The following B3GALNT2 variants were observed in gnomAD, a reference collection of about 807,000 sequenced individuals.
The protein encoded by B3GALNT2 is beta-1,3-N-acetylgalactosaminyltransferase 2, also known as UDP-GalNAc:beta-1,3-N-acetylgalactosaminyltransferase 2.
In B3GALNT2, 53 loss-of-function variants were observed where a neutral mutation model predicts 61.1. The observed-to-expected ratio is 0.87, with a 90% CI of 0.70 to 1.09. The LOEUF is 1.09. Among genes scored for constraint, B3GALNT2 ranks in the 50% least tolerant of loss-of-function variants. The pLI is 0.00. For missense variants in B3GALNT2, 544 were observed against 623.0 expected, an observed-to-expected ratio of 0.87 and a Z score of 1.35; for synonymous variants, 223 against 237.4, an observed-to-expected ratio of 0.94 and a Z score of 0.56.
rs369714783 is a variant in B3GALNT2 at position 235,448,777 on chromosome 1, A to G, written c.*1429T>C. ...TGCGATGGTGACAACCAACTAATAA[A>G]ATTTAAAGACCACACTGCTTATCGT... On this transcript the variant is annotated 3_prime_UTR_variant, in exon 12 of 12. Transcript: ENST00000366600. The G allele has an allele frequency of 4.0e-5, 63 of 1,561,830 alleles. No homozygotes were observed. The highest frequency in any genetic ancestry group is 7.1e-6 in the Non-Finnish European group (8 of 1,133,046).
At chr1:235,453,457 A>C (rs2102781132) in intron 10 of B3GALNT2, among the ~76,000 whole-genome samples, 1 of 151,516 alleles carries the variant, frequency 6.6e-6, no homozygotes, top group African/African-American at 2.4e-5. Context: ...TCCAGGGACT[A>C]TACTTTTTTT....
chr1:235,481,103 C>T (rs778175437), intron 4 of B3GALNT2, among the ~76,000 whole-genome samples: 46 of 151,936 alleles, frequency 3.0e-4, no homozygotes, highest in Admixed American at 7.9e-4. Context: ...AAATTAAGCA[C>T]ATTTCAATGG....
rs747843065 is a variant in B3GALNT2, at chr1:235,494,774, C to A, written c.167G>T (p.Gly56Val). The A allele has an allele frequency of 4.0e-5, 64 of 1,611,220 alleles. No individual in the cohort carries two copies. The South Asian group carries it at 6.8e-4, about 17-fold the overall frequency. Residue 56 changes from glycine (G) to valine (V), a missense_variant, in exon 2 of 12, where the codon GGC becomes GTC. By Grantham distance (109) the Gly-to-Val change is moderately radical. Coordinates refer to ENST00000366600, the MANE Select transcript of B3GALNT2 (RefSeq NM_152490.5). ...ATGGTTATTGCGAGCTGACAACACGCCAACTACCACATCATAGTGAGTAGA... is the reference window on the plus strand; with the variant it reads ...ATGGTTATTGCGAGCTGACAACACGACAACTACCACATCATAGTGAGTAGA... ...WKSTHYDVVV[G>V]VLSARNNHEL... is the part of the protein sequence containing the mutation.
intron 5 of B3GALNT2, among the ~76,000 whole-genome samples, chr1:235,476,387 G>T (rs1684280538): frequency 6.6e-6 from 1 of 151,972 alleles, no homozygotes; most frequent in Admixed American, 6.6e-5. Flanking sequence ...CTCCCGCCTG[G>T]GTGACAGAGC....
At chr1:235,455,809 G>T (rs1683143379) in intron 8 of B3GALNT2, 125 bp from the exon 9 acceptor site, 1 of 1,223,198 alleles carries the variant, frequency 8.2e-7, no homozygotes, top group Non-Finnish European at 1.1e-6. Flanking sequence ...TTCCTCAAAT[G>T]TTGAGAACAT....
In B3GALNT2 at chr1:235,489,192, T is replaced by G; in HGVS notation, c.337A>C (p.Lys113Gln). The G allele has an allele frequency of 6.2e-7, 1 of 1,614,086 alleles. No homozygotes were observed. The highest frequency in any genetic ancestry group is 8.5e-7 in the Non-Finnish European group (1 of 1,179,964). ...VEDREDPYSC[K>Q]LLNITNPVLN... ...CCTGGATTTGTGATGTTGAGTAGTT[T>G]ACAGGAATAAGGATCCTCCCTGTCT... The change falls in exon 3 of 12, where the codon AAA becomes CAA. Residue 113 changes from lysine to glutamine, a missense_variant. Physicochemically the swap from Lys to Gln is moderately conservative, Grantham distance 53 (BLOSUM62 1). Transcript: ENST00000366600.
intron 8 of B3GALNT2, among the ~76,000 whole-genome samples, chr1:235,456,913 C>T (rs1248162566): frequency 6.6e-6 from 1 of 152,098 alleles, no homozygotes; most frequent in Non-Finnish European, 1.5e-5. Flanking sequence ...CTTTTTCTTA[C>T]TACAGCTGCC....
At chr1:235,474,502 T>C (rs546498096) in intron 5 of B3GALNT2, among the ~76,000 whole-genome samples, 17 of 152,042 alleles carry the variant, frequency 1.1e-4, no homozygotes, top group Non-Finnish European at 2.1e-4. Flanking sequence ...TGACTATATA[T>C]AAAGAATTTC....
chr1:235,463,085 C>T (rs753256877), intron 7 of B3GALNT2, among the ~76,000 whole-genome samples: 1 of 152,176 alleles, frequency 6.6e-6, no homozygotes, highest in Non-Finnish European at 1.5e-5. Context: ...ACAGCACCTG[C>T]GTGCAGTTGG....
At chr1:235,460,483 A>G (rs1198548708) in intron 7 of B3GALNT2, among the ~76,000 whole-genome samples, 2 of 151,094 alleles carry the variant, frequency 1.3e-5, no homozygotes, top group African/African-American at 2.4e-5. Flanking sequence ...TTAGAAATGA[A>G]TAAGAAAAAA....
downstream of B3GALNT2, among the ~76,000 whole-genome samples, chr1:235,444,617 C>G (rs1682120826): frequency 6.6e-6 from 1 of 152,176 alleles, no homozygotes; most frequent in African/African-American, 2.4e-5. Flanking sequence ...GTTGCTAAGG[C>G]TGGCCTCAAA....
chr1:235,489,200 T>A lies in B3GALNT2; in HGVS notation c.329A>T (p.Tyr110Phe). Reference sequence around the variant, plus strand: ...TGTGATGTTGAGTAGTTTACAGGAATAAGGATCCTCCCTGTCTTCCACAGG... The same window carrying A: ...TGTGATGTTGAGTAGTTTACAGGAAAAAGGATCCTCCCTGTCTTCCACAGG... ...EVPVEDREDPYSCKLLNITNP... is the reference protein window; with the variant it reads ...EVPVEDREDPFSCKLLNITNP... Residue 110 changes from tyrosine (Y) to phenylalanine (F), a missense_variant, in exon 3 of 12, where the codon TAT becomes TTT. Physicochemically the swap from Tyr to Phe is conservative, Grantham distance 22. Coordinates refer to ENST00000366600, the MANE Select transcript of B3GALNT2 (RefSeq NM_152490.5). The A allele has an allele frequency of 6.2e-7, 1 of 1,614,060 alleles. No individual in the cohort carries two copies. Among genetic ancestry groups the A allele is most frequent in the Non-Finnish European group, 8.5e-7 (1 of 1,179,966 alleles).
intron 11 of B3GALNT2, 84 bp from the exon 12 acceptor site, chr1:235,450,424 T>C (rs1572474830): frequency 6.9e-7 from 1 of 1,444,558 alleles, no homozygotes; most frequent in East Asian, 2.3e-5. Flanking sequence ...ACAGCTTTTA[T>C]GTATTCTAAT....
Position 235,455,686 on chromosome 1 carries a change from T to C in B3GALNT2, c.1026-2A>G. On this transcript the variant is annotated splice_acceptor_variant, in intron 8 of 11. Coordinates refer to ENST00000366600, the MANE Select transcript of B3GALNT2 (RefSeq NM_152490.5). LOFTEE classifies it high-confidence loss of function. ...TTGAAGCTCGTTGTTTCCACAGTCC[T>C]GTTGACACAAAAGGGATAAGAAAGT... The C allele has an allele frequency of 6.2e-7, 1 of 1,608,166 alleles. No homozygotes were observed. The highest frequency in any genetic ancestry group is 8.5e-7 in the Non-Finnish European group (1 of 1,174,712).
intron 6 of B3GALNT2, among the ~76,000 whole-genome samples, chr1:235,466,836 A>G (rs1474098638): frequency 6.6e-6 from 1 of 152,184 alleles, no homozygotes; most frequent in Non-Finnish European, 1.5e-5. Flanking sequence ...TGGTACATCT[A>G]CCAGAGTATT....
At chr1:235,471,790 G>A (rs753711676) in intron 5 of B3GALNT2, among the ~76,000 whole-genome samples, 5 of 152,146 alleles carry the variant, frequency 3.3e-5, no homozygotes, top group Non-Finnish European at 5.9e-5. Flanking sequence ...AGCCTCCCGC[G>A]TAGCTGGGAT....
Position 235,448,167 on chromosome 1 carries a change from T to G in B3GALNT2, c.*2039A>C, listed in dbSNP as rs557121253. Among the ~76,000 whole-genome samples, 1 of 137,586 alleles carries G rather than the reference T, an allele frequency of 7.3e-6. No homozygotes were observed. Among genetic ancestry groups the G allele is most frequent in the Non-Finnish European group, 1.5e-5 (1 of 66,488 alleles). The allele number at this position is 137,586 out of a possible 152,430, so 90.3% of individuals were successfully genotyped here. A position where few individuals can be genotyped will look rare whatever the true frequency, so the allele number is the denominator to read the frequency against. ...GTGAGCCGAGATTACACCATTGCAC[T>G]CCAGCCTGGGCGACAGAGCAAGACT... On this transcript the variant is annotated 3_prime_UTR_variant, in exon 12 of 12. Transcript: ENST00000366600.
Position 235,448,598 on chromosome 1 carries a change from G to T in B3GALNT2, c.*1608C>A, listed in dbSNP as rs1682647838. ...GCTACTGCCTGGGGACGGGGTGGGG[G>T]AAGAGTATGTGTAGCATGCTTTATC... On this transcript the variant is annotated 3_prime_UTR_variant, in exon 12 of 12. Transcript: ENST00000366600. 3 of 1,417,652 alleles carry T rather than the reference G, an allele frequency of 2.1e-6. No homozygotes were observed. The East Asian group carries it at 6.8e-5, about 32-fold the overall frequency. 87.8% of individuals were successfully genotyped at this position (1,417,652 alleles called of 1,614,324 possible).
intron 1 of B3GALNT2, 101 bp from the exon 2 acceptor site, chr1:235,494,929 G>A (rs1008511648): frequency 1.7e-6 from 2 of 1,166,288 alleles, no homozygotes. Flanking sequence ...ATGTTTGTAG[G>A]AAATTCAGAT....
Sources: gnomAD v4.1 joint callset for allele counts (sites outside exome capture counted in the v4.1 genomes callset) on GRCh38, gnomAD v4.1.1 for gene constraint, MANE v1.5 for transcripts, NCBI Gene and HGNC (gene_info 2026-07-23, HGNC 2026-07-21) for gene names.